ETV6: variants seen among roughly 807,000 people sequenced by gnomAD.
ETV6 encodes ETS variant transcription factor 6.
A neutral mutation model predicts 51.1 loss-of-function variants in ETV6; 16 were observed. The ratio of observed to expected loss-of-function variants is 0.31; its 90% CI spans 0.21 to 0.48. ETV6 has a LOEUF of 0.48. ETV6 is among the 20% of genes least tolerant of loss of function. ETV6 has a pLI of 0.99. For missense variants in ETV6, 458 were observed against 594.8 expected (o/e 0.77, Z 2.39); for synonymous variants, 240 against 224.1 (o/e 1.07, Z -0.64).
chr12:11,830,645 C>CAGTCTT (rs1243717197), intron 2 of ETV6, among the ~76,000 whole-genome samples: 1 of 152,226 alleles, frequency 6.6e-6, no homozygotes, highest in Non-Finnish European at 1.5e-5. Flanking sequence ...CAGATGTGGA[C>CAGTCTT]TGCCTAGGAA....
intron 1 of ETV6, among the ~76,000 whole-genome samples, chr12:11,665,394 T>A (rs1864175287): frequency 6.6e-6 from 1 of 152,242 alleles, no homozygotes; most frequent in African/African-American, 2.4e-5. Flanking sequence ...AGCCTCCCTG[T>A]TGCTGCTGGG....
chr12:11,804,245 A>G (rs961815075), intron 2 of ETV6, among the ~76,000 whole-genome samples: 2 of 152,334 alleles, frequency 1.3e-5, no homozygotes, highest in African/African-American at 4.8e-5. Context: ...GCCAGAGAGC[A>G]CATTGCCCAC....
chr12:11,856,645 A>C (rs1363126673), intron 4 of ETV6, among the ~76,000 whole-genome samples: 1 of 152,202 alleles, frequency 6.6e-6, no homozygotes, highest in Non-Finnish European at 1.5e-5. Context: ...ATGGATCAGT[A>C]CAAGTTTCCT....
intron 2 of ETV6, among the ~76,000 whole-genome samples, chr12:11,792,826 A>G (rs768443918): frequency 6.6e-6 from 1 of 152,246 alleles, no homozygotes; most frequent in Non-Finnish European, 1.5e-5. Flanking sequence ...AATAAAAAGC[A>G]TTAAGTTTTA....
At chr12:11,699,126 C>T (rs1864930490) in intron 1 of ETV6, among the ~76,000 whole-genome samples, 1 of 152,158 alleles carries the variant, frequency 6.6e-6, no homozygotes, top group African/African-American at 2.4e-5. Context: ...ATAGGTTGCC[C>T]CTTTCAAAGT....
intron 2 of ETV6, among the ~76,000 whole-genome samples, chr12:11,801,738 T>TATG: frequency 6.6e-6 from 1 of 152,206 alleles, no homozygotes; most frequent in East Asian, 1.9e-4. Context: ...CAAACTCAGA[T>TATG]AGGCTAAGGG....
At chr12:11,726,018 G>T (rs1215868316) in intron 1 of ETV6, among the ~76,000 whole-genome samples, 1 of 152,158 alleles carries the variant, frequency 6.6e-6, no homozygotes, top group Non-Finnish European at 1.5e-5. Context: ...CTTCCCATCT[G>T]ACTCCCTCCA....
chr12:11,834,146 G>T (rs1407346885), intron 2 of ETV6, among the ~76,000 whole-genome samples: 1 of 152,160 alleles, frequency 6.6e-6, no homozygotes, highest in East Asian at 1.9e-4. Context: ...GTTTCATCTG[G>T]AGGCAAAATG....
chr12:11,721,151 A>G (rs888144831), intron 1 of ETV6, among the ~76,000 whole-genome samples: 3 of 152,264 alleles, frequency 2.0e-5, no homozygotes, highest in Admixed American at 6.5e-5. Flanking sequence ...TGTAGAAAGC[A>G]GTTTGGAGAT....
At chr12:11,706,026 T>C (rs1340679228) in intron 1 of ETV6, among the ~76,000 whole-genome samples, 1 of 152,266 alleles carries the variant, frequency 6.6e-6, no homozygotes, top group African/African-American at 2.4e-5. Flanking sequence ...TTCAAATCTT[T>C]GGAGGGCCTT....
At chr12:11,883,224 C>T (rs1170986419) in intron 5 of ETV6, among the ~76,000 whole-genome samples, 1 of 149,152 alleles carries the variant, frequency 6.7e-6, no homozygotes, top group East Asian at 2.0e-4. Flanking sequence ...ACCTTCACAG[C>T]ACACATCCAG....
chr12:11,718,597 C>T (rs1471658673), intron 1 of ETV6, among the ~76,000 whole-genome samples: 15 of 146,344 alleles, frequency 1.0e-4, no homozygotes, highest in Admixed American at 1.0e-3. Context: ...GAAACCCCAT[C>T]GCTACTAAAA....
intron 1 of ETV6, among the ~76,000 whole-genome samples, chr12:11,739,384 C>T (rs960608721): frequency 6.6e-6 from 1 of 152,200 alleles, no homozygotes; most frequent in Non-Finnish European, 1.5e-5. Context: ...AGGTATCCAA[C>T]CTGCAGTGCA....
chr12:11,688,460 C>G lies in ETV6; in HGVS notation c.33+38300C>G, dbSNP rs1340052941. 2.0e-5 allele frequency among the ~76,000 whole-genome samples: 3 copies of G among 152,238 alleles called. No homozygotes were observed. The East Asian group carries it at 5.8e-4, about 29-fold the overall frequency. On this transcript the variant is annotated intron_variant, in intron 1 of 7. Transcript: ENST00000396373. ...TCTAGTGGTTTGATTTTCCATTAGCCCTTTCTCCCTTGGCCTTAAGGGATG... is the reference window on the plus strand; with the variant it reads ...TCTAGTGGTTTGATTTTCCATTAGCGCTTTCTCCCTTGGCCTTAAGGGATG...
chr12:11,652,458 G>A (rs1863923784), intron 1 of ETV6, among the ~76,000 whole-genome samples: 1 of 152,330 alleles, frequency 6.6e-6, no homozygotes, highest in Non-Finnish European at 1.5e-5. Flanking sequence ...CAAGTTGCTT[G>A]CTTCTAGAGT....
chr12:11,864,167 A>G (rs1946759300), intron 4 of ETV6, among the ~76,000 whole-genome samples: 2 of 152,176 alleles, frequency 1.3e-5, no homozygotes, highest in African/African-American at 4.8e-5. Context: ...TCTCCAGGAC[A>G]TTACATCAGT....
At chr12:11,663,935 A>G (rs1226379320) in intron 1 of ETV6, among the ~76,000 whole-genome samples, 1 of 152,230 alleles carries the variant, frequency 6.6e-6, no homozygotes, top group Non-Finnish European at 1.5e-5. Flanking sequence ...GTATGAATCA[A>G]CCAAACTTCA....
At chr12:11,828,432 C>G (rs1449899614) in intron 2 of ETV6, among the ~76,000 whole-genome samples, 1 of 152,040 alleles carries the variant, frequency 6.6e-6, no homozygotes, top group Non-Finnish European at 1.5e-5. Flanking sequence ...AAGAGGGCAC[C>G]CTTCGTGTCT....
intron 1 of ETV6, among the ~76,000 whole-genome samples, chr12:11,728,460 G>A (rs768876385): frequency 4.3e-5 from 6 of 140,264 alleles, no homozygotes; most frequent in Non-Finnish European, 9.7e-5. Flanking sequence ...CACGAACCCT[G>A]TTGTGAATGA....
Sources: gnomAD v4.1 joint callset for allele counts (sites outside exome capture counted in the v4.1 genomes callset) on GRCh38, gnomAD v4.1.1 for gene constraint, MANE v1.5 for transcripts, NCBI Gene and HGNC (gene_info 2026-07-23, HGNC 2026-07-21) for gene names.